Variants in ABCA12 observed in about 807,000 individuals in gnomAD.
The protein encoded by ABCA12 is glucosylceramide transporter ABCA12.
Under a neutral mutation model 293.5 loss-of-function variants are expected in ABCA12, and 156 were observed. The ratio of observed to expected loss-of-function variants is 0.53; its 90% CI spans 0.47 to 0.61. The LOEUF (loss-of-function observed/expected upper bound fraction) is 0.61. ABCA12 is among the 20% of genes least tolerant of loss of function. The pLI is 0.00. For synonymous variants in ABCA12, 1,063 were observed against 1,108.0 expected (o/e 0.96, Z 0.81); for missense variants, 2,797 against 3,090.2 (o/e 0.91, Z 2.25).
chr2:214,950,867 A>C lies in ABCA12; in HGVS notation c.6852+12T>G. Reference sequence around the variant, plus strand: ...TGAAAAGGACAGTTAGAAACAAAACACAGTTTCTTACCTCTCCAGCAGGTA... The same window carrying C: ...TGAAAAGGACAGTTAGAAACAAAACCCAGTTTCTTACCTCTCCAGCAGGTA... On this transcript the variant is annotated intron_variant, in intron 45 of 52. Coordinates refer to ENST00000272895, the MANE Select transcript of ABCA12 (RefSeq NM_173076.3). The C allele has an allele frequency of 6.2e-7, 1 of 1,612,420 alleles. No homozygotes were observed. The highest frequency in any genetic ancestry group is 1.1e-5 in the South Asian group (1 of 91,042).
intron 2 of ABCA12, among the ~76,000 whole-genome samples, chr2:215,089,186 A>G (rs1448394399): frequency 6.6e-6 from 1 of 151,600 alleles, no homozygotes; most frequent in Non-Finnish European, 1.5e-5. Context: ...CTATGGCTCA[A>G]GTTTTGCTTT....
At chr2:214,957,655 C>A (rs1185167769) in intron 41 of ABCA12, among the ~76,000 whole-genome samples, 1 of 152,200 alleles carries the variant, frequency 6.6e-6, no homozygotes, top group African/African-American at 2.4e-5. Context: ...AATCACCAGG[C>A]AAATGCATAC....
chr2:214,935,099 T>G (rs997033240), intron 51 of ABCA12, among the ~76,000 whole-genome samples: 16 of 152,312 alleles, frequency 1.1e-4, no homozygotes, highest in African/African-American at 3.8e-4. Context: ...TTTCAGACCC[T>G]TCTCCTCCCG....
chr2:215,081,475 T>C (rs1423134620), intron 2 of ABCA12, among the ~76,000 whole-genome samples: 1 of 9,264 alleles, frequency 1.1e-4, no homozygotes, highest in East Asian at 1.5e-3. Context: ...CAAGACTCTG[T>C]CTCAAAAAAA....
At chr2:215,132,502 T>A (rs973565665) in intron 1 of ABCA12, among the ~76,000 whole-genome samples, 1 of 146,072 alleles carries the variant, frequency 6.8e-6, no homozygotes, top group Non-Finnish European at 1.5e-5. Flanking sequence ...CCTTTGTCTT[T>A]TTTTTTTAAC....
In ABCA12 at chr2:214,989,473, G is replaced by T. The variant is rs1347370142; in HGVS notation, c.3695-10C>A. 1 of 1,613,588 alleles carries T rather than the reference G, an allele frequency of 6.2e-7. No homozygotes were observed. Among genetic ancestry groups the T allele is most frequent in the African/African-American group, 1.3e-5 (1 of 74,804 alleles). On this transcript the variant is annotated splice_polypyrimidine_tract_variant and intron_variant, in intron 25 of 52. Transcript: ENST00000272895. Reference sequence around the variant, plus strand: ...TTTTCCCACTGAAGACCTAAAAAGTGAACACAAGTGTTTATTCTTCTGTGA... The same window carrying T: ...TTTTCCCACTGAAGACCTAAAAAGTTAACACAAGTGTTTATTCTTCTGTGA...
intron 2 of ABCA12, among the ~76,000 whole-genome samples, chr2:215,087,847 G>A (rs1702072564): frequency 6.6e-6 from 1 of 152,302 alleles, no homozygotes; most frequent in Non-Finnish European, 1.5e-5. Context: ...AAAGCCCCAT[G>A]ATAATGCAAT....
intron 14 of ABCA12, among the ~76,000 whole-genome samples, chr2:215,016,535 A>C (rs960727558): frequency 8.1e-6 from 1 of 123,716 alleles, no homozygotes; most frequent in African/African-American, 3.0e-5. Flanking sequence ...GTGAGCGGAG[A>C]TTGTACCACT....
In ABCA12 at chr2:215,052,465, T is replaced by C. The variant is rs746014993; in HGVS notation, c.507+22A>G. Reference sequence around the variant, plus strand: ...GGCCTATGTTGAATCACTCTACCCATTACAAAATTGAATCAAGTTACCTTT... The same window carrying C: ...GGCCTATGTTGAATCACTCTACCCACTACAAAATTGAATCAAGTTACCTTT... On this transcript the variant is annotated intron_variant, in intron 5 of 52. Transcript: ENST00000272895. The C allele has an allele frequency of 3.1e-6, 5 of 1,595,364 alleles. No homozygotes were observed. In the South Asian group the frequency reaches 5.5e-5, roughly 18 times the overall value.
At chr2:215,013,962 C>T (rs1700433190) in intron 15 of ABCA12, among the ~76,000 whole-genome samples, 2 of 152,280 alleles carry the variant, frequency 1.3e-5, no homozygotes, top group South Asian at 4.1e-4. Flanking sequence ...GTGAGGATCA[C>T]TTGAGGTCAG....
At chr2:215,099,316 T>G (rs1400453107) in intron 2 of ABCA12, among the ~76,000 whole-genome samples, 1 of 152,236 alleles carries the variant, frequency 6.6e-6, no homozygotes. Flanking sequence ...CTCGAGTTGT[T>G]GGATGACTGA....
chr2:215,046,330 AGT>A, intron 6 of ABCA12, among the ~76,000 whole-genome samples: 1 of 151,242 alleles, frequency 6.6e-6, no homozygotes, highest in Non-Finnish European at 1.5e-5. Context: ...TTTAGCTCTG[AGT>A]AATGTTTTTT....
At chr2:214,954,715 T>C (rs1040382510) in intron 43 of ABCA12, among the ~76,000 whole-genome samples, 1 of 152,212 alleles carries the variant, frequency 6.6e-6, no homozygotes, top group East Asian at 1.9e-4. Context: ...AGTGCTTCTC[T>C]TCTCACTAAT....
Position 214,997,847 on chromosome 2 carries a change from A to G in ABCA12, c.3180-38T>C, listed in dbSNP as rs368882288. On this transcript the variant is annotated intron_variant, in intron 22 of 52. Transcript: ENST00000272895. ...CAAAAAAAGAAAAATTCAGCGACCAAAATGAACACCATACTTGCAGAGATT... is the reference window on the plus strand; with the variant it reads ...CAAAAAAAGAAAAATTCAGCGACCAGAATGAACACCATACTTGCAGAGATT... 6 of 1,183,938 alleles carry G rather than the reference A, an allele frequency of 5.1e-6. No homozygotes were observed. In the African/African-American group the frequency reaches 7.6e-5, roughly 15 times the overall value. 73.3% of individuals were successfully genotyped at this position (1,183,938 alleles called of 1,614,324 possible).
Position 214,988,504 on chromosome 2 carries a change from A to G in ABCA12, c.3830-711T>C, listed in dbSNP as rs553014191. On this transcript the variant is annotated intron_variant, in intron 26 of 52. Coordinates refer to ENST00000272895, the MANE Select transcript of ABCA12 (RefSeq NM_173076.3). The stretch of plus-strand genomic sequence containing the variant: ...TCACAGATCTTACATAAATGAAATC[A>G]TATTCTTTTATTCATGTATAACACC... Among the ~76,000 whole-genome samples the G allele has an allele frequency of 1.2e-4, 18 of 152,328 alleles. No individual in the cohort carries two copies. In the South Asian group the frequency reaches 3.7e-3, roughly 32 times the overall value.
intron 30 of ABCA12, 94 bp from the exon 31 acceptor site, chr2:214,980,737 GA>G (rs1699629798): frequency 6.8e-7 from 1 of 1,472,840 alleles, no homozygotes; most frequent in African/African-American, 1.4e-5. Context: ...TGTGACATCT[GA>G]GAAGAGTCAC....
intron 11 of ABCA12, among the ~76,000 whole-genome samples, chr2:215,020,951 T>A (rs1420545682): frequency 6.6e-6 from 1 of 152,204 alleles, no homozygotes; most frequent in East Asian, 1.9e-4. Flanking sequence ...GCTCAGGTGA[T>A]CCTCTCACCT....
chr2:215,051,609 A>AGTGTGTGTGTGTGTGTGTGTGTGTGTGT (rs3050094), intron 5 of ABCA12, among the ~76,000 whole-genome samples: 2 of 121,356 alleles, frequency 1.6e-5, no homozygotes, highest in Non-Finnish European at 3.6e-5. Flanking sequence ...TAAAAACGCT[A>AGTGTGTGTGTGTGTGTGTGTGTGTGTGT]GTGTGTGTGT....
At chr2:215,134,610 TATATATAGAGAG>T (rs1703164745) in intron 1 of ABCA12, among the ~76,000 whole-genome samples, 1 of 93,122 alleles carries the variant, frequency 1.1e-5, no homozygotes, top group Non-Finnish European at 1.9e-5. Context: ...TATATATATA[TATATATAGAGAG>T]AGAGAGAGAG....
Sources: allele counts gnomAD v4.1 joint callset (sites outside exome capture counted in the v4.1 genomes callset), GRCh38; gene constraint gnomAD v4.1.1; transcripts MANE v1.5; gene names NCBI Gene and HGNC (gene_info 2026-07-23, HGNC 2026-07-21).